Variants in CARS2 observed in about 807,000 individuals in gnomAD.
The protein encoded by CARS2 is probable cysteine--tRNA ligase, mitochondrial.
A neutral mutation model predicts 68.8 loss-of-function variants in CARS2; 52 were observed. The observed-to-expected ratio is 0.76, with a 90% confidence interval of 0.61 to 0.95. CARS2 has a LOEUF of 0.95. Ranked by LOEUF, CARS2 falls within the 40% of genes least tolerant of loss-of-function variation. CARS2 has a pLI of 0.00. For missense variants in CARS2, 780 were observed against 754.2 expected, an observed-to-expected ratio of 1.03 and a Z score of -0.40; for synonymous variants, 314 against 303.6, an observed-to-expected ratio of 1.03 and a Z score of -0.36.
chr13:110,660,856 G>C (rs111632204), intron 9 of CARS2, among the ~76,000 whole-genome samples: 3,956 of 147,290 alleles, frequency 0.027, 197 homozygotes, highest in African/African-American at 0.093. Context: ...CCGCCTCCCA[G>C]GTTCAAGTGA....
Position 110,646,001 on chromosome 13 carries a change from T to C in CARS2, c.1283A>G (p.His428Arg). ...CGCCCTGAGCTGTCCATTCCCGTGGTGTGCAAGGCCCAGGATGGCATCAAC... is the reference window on the plus strand; with the variant it reads ...CGCCCTGAGCTGTCCATTCCCGTGGCGTGCAAGGCCCAGGATGGCATCAAC... The part of the protein sequence containing the change: ...RVVDAILGLA[H>R]HGNGQLRASL... Residue 428 changes from histidine to arginine, a missense_variant, in exon 12 of 15, where the codon CAC (histidine) becomes CGC (arginine). By Grantham distance (29) the His-to-Arg change is conservative. Coordinates refer to ENST00000257347, the MANE Select transcript of CARS2 (RefSeq NM_024537.4). 6.2e-7 allele frequency: 1 copy of C among 1,613,820 alleles called. No homozygotes were observed. The highest frequency in any genetic ancestry group is 8.5e-7 in the Non-Finnish European group (1 of 1,179,912).
chr13:110,659,034 A>G (rs2062438634), intron 9 of CARS2, among the ~76,000 whole-genome samples: 1 of 152,204 alleles, frequency 6.6e-6, no homozygotes, highest in Non-Finnish European at 1.5e-5. Context: ...CCTTATTTTT[A>G]GGAGTTGGTT....
At chr13:110,666,232 G>T in intron 8 of CARS2, 2 of 985,366 alleles carry the variant, frequency 2.0e-6, no homozygotes. Flanking sequence ...CCATGTGAGC[G>T]CCAGCTGAAA....
At chr13:110,692,607 T>C (rs75250591) in intron 3 of CARS2, among the ~76,000 whole-genome samples, 5,012 of 150,324 alleles carry the variant, frequency 0.033, 294 homozygotes, top group African/African-American at 0.12. Context: ...AGAATTAATT[T>C]ATCTAGGCCG....
chr13:110,701,781 A>G (rs1284640834), intron 2 of CARS2, among the ~76,000 whole-genome samples: 1 of 152,232 alleles, frequency 6.6e-6, no homozygotes, highest in Non-Finnish European at 1.5e-5. Flanking sequence ...CAATTTCAGG[A>G]CACAATATTA....
intron 5 of CARS2, among the ~76,000 whole-genome samples, chr13:110,684,309 T>A (rs1274215453): frequency 6.6e-6 from 1 of 152,140 alleles, no homozygotes; most frequent in African/African-American, 2.4e-5. Flanking sequence ...ATGCAGTTAC[T>A]GATTTGCATC....
At position 110,668,779 on chromosome 13, in the gene CARS2, G is replaced by C. The variant is rs74988838; in HGVS notation, c.786-1306C>G. ...CCACAACCTTCACTATGTTAGTTTC[G>C]CTCCTGATCTCTACGTTACACCTAT... On this transcript the variant is annotated intron_variant, in intron 7 of 14. Transcript: ENST00000257347. The surrounding 1 kb of genome is among the most constrained non-coding windows in gnomAD (Gnocchi z 4.1). 6.2e-4 allele frequency among the ~76,000 whole-genome samples: 95 copies of C among 152,276 alleles called. No homozygotes were observed. Among genetic ancestry groups the C allele is most frequent in the African/African-American group, 2.2e-3 (90 of 41,564 alleles).
intron 8 of CARS2, chr13:110,666,276 A>G (rs538533964): frequency 1.0e-6 from 1 of 985,442 alleles, no homozygotes; most frequent in South Asian, 4.7e-5. Flanking sequence ...TGTTCTGATT[A>G]GAAACTCCAC....
At chr13:110,662,288 C>G (rs979891268) in intron 9 of CARS2, among the ~76,000 whole-genome samples, 16 of 121,916 alleles carry the variant, frequency 1.3e-4, no homozygotes, top group African/African-American at 5.5e-4. Context: ...GCTCCGACCC[C>G]CCTCTGCGTC....
chr13:110,686,675 G>A (rs1192330711), intron 5 of CARS2, among the ~76,000 whole-genome samples: 1 of 149,414 alleles, frequency 6.7e-6, no homozygotes, highest in East Asian at 2.0e-4. Context: ...TCATGCCTCA[G>A]CCTCCAGAAT....
chr13:110,677,057 C>T lies in CARS2; in HGVS notation c.702G>A (p.Ala234=), dbSNP rs143818816. ...CCCAGAACACCTCCTGGGGTTTGGC[C>T]GCCTTCCACAGGGCGAAGTCACTGG... ...RHASDFALWK[A]AKPQEVFWAS... The change falls in exon 7 of 15, where the codon GCG becomes GCA. Residue 234 remains alanine (A), a synonymous_variant. Coordinates refer to ENST00000257347, the MANE Select transcript of CARS2 (RefSeq NM_024537.4). 70 of 1,611,032 alleles carry T rather than the reference C, an allele frequency of 4.3e-5. No individual in the cohort carries two copies. Among genetic ancestry groups the T allele is most frequent in the South Asian group, 1.4e-4 (13 of 90,898 alleles).
chr13:110,672,031 T>C (rs1001683650), intron 7 of CARS2, among the ~76,000 whole-genome samples: 2 of 152,228 alleles, frequency 1.3e-5, no homozygotes, highest in South Asian at 2.1e-4. Context: ...TAAATATATA[T>C]GCACCTAATA....
intron 3 of CARS2, 67 bp from the exon 4 acceptor site, chr13:110,688,085 A>G (rs2063356930): frequency 8.9e-7 from 1 of 1,128,094 alleles, no homozygotes. Flanking sequence ...CCCAGCCACA[A>G]GAAAGCCCAC....
In CARS2 at chr13:110,644,266, A is replaced by G. The variant is rs567331307; in HGVS notation, c.1416+119T>C. 2.2e-6 allele frequency: 3 copies of G among 1,358,022 alleles called. No homozygotes were observed. In the East Asian group the frequency reaches 7.4e-5, roughly 34 times the overall value. The allele number at this position is 1,358,022 out of a possible 1,614,324, so 84.1% of individuals were successfully genotyped here. On this transcript the variant is annotated intron_variant, in intron 13 of 14. Transcript: ENST00000257347. ...TTTTCCAGGAAAGTAACATGTTTTT[A>G]AACAGGTAAATACATTAGTGTGGCA... is the stretch of plus-strand genomic sequence containing the variant.
At chr13:110,701,304 T>TC in intron 3 of CARS2, 134 bp downstream of exon 3, 1 of 601,424 alleles carries the variant, frequency 1.7e-6, no homozygotes, top group Non-Finnish European at 3.0e-6. Context: ...CCTCAAGTGA[T>TC]CCACCTGTCT....
intron 9 of CARS2, among the ~76,000 whole-genome samples, chr13:110,659,273 C>T (rs1471306831): frequency 6.6e-6 from 1 of 152,056 alleles, no homozygotes; most frequent in Non-Finnish European, 1.5e-5. Flanking sequence ...CCACTGAGAA[C>T]AAGCAGATGC....
At chr13:110,657,459 A>G (rs541900659) in intron 9 of CARS2, among the ~76,000 whole-genome samples, 1 of 152,344 alleles carries the variant, frequency 6.6e-6, no homozygotes, top group Admixed American at 6.5e-5. Context: ...ACAGAGGCCG[A>G]GGGGTCTGTC....
chr13:110,666,163 C>T (rs1178384824), intron 8 of CARS2: 45 of 985,214 alleles, frequency 4.6e-5, no homozygotes, highest in Non-Finnish European at 5.3e-5. Flanking sequence ...AATCAGTGCT[C>T]GGCTCCCTGA....
upstream of CARS2, among the ~76,000 whole-genome samples, chr13:110,706,661 C>T (rs976490598): frequency 1.3e-5 from 2 of 151,292 alleles, no homozygotes; most frequent in Non-Finnish European, 3.0e-5. Context: ...TGCACTGCAG[C>T]ACACCGTTAG....
Sources: gnomAD v4.1 joint callset for allele counts (sites outside exome capture counted in the v4.1 genomes callset) on GRCh38, gnomAD v4.1.1 for gene constraint, Gnocchi (gnomAD v3.1) non-coding constraint, MANE v1.5 for transcripts, NCBI Gene and HGNC (gene_info 2026-07-23, HGNC 2026-07-21) for gene names.